The following AGBL4 variants were observed in gnomAD, a reference collection of about 807,000 sequenced individuals.
AGBL4 encodes the protein AGBL carboxypeptidase 4.
AGBL4 carries 58 observed loss-of-function variants against 66.4 expected under a neutral mutation model. The observed-to-expected ratio is 0.87, with a 90% confidence interval of 0.71 to 1.09. AGBL4 has a LOEUF of 1.09. Ranked by LOEUF, AGBL4 falls within the 50% of genes least tolerant of loss-of-function variation. AGBL4 has a pLI of 0.00. For missense variants in AGBL4, 579 were observed against 631.0 expected (o/e 0.92, Z 0.88); for synonymous variants, 234 against 222.9 (o/e 1.05, Z -0.44).
intron 3 of AGBL4, among the ~76,000 whole-genome samples, chr1:49,283,550 T>G (rs1437509974): frequency 2.6e-5 from 4 of 152,166 alleles, no homozygotes; most frequent in Non-Finnish European, 5.9e-5. Flanking sequence ...AGAGGAAGGC[T>G]TCAGACGATC....
At chr1:48,762,718 A>G (rs1283874234) in intron 6 of AGBL4, among the ~76,000 whole-genome samples, 2 of 151,648 alleles carry the variant, frequency 1.3e-5, no homozygotes, top group African/African-American at 4.8e-5. Context: ...CTTCTCTCCT[A>G]CAACTTGTTA....
chr1:49,264,226 G>A (rs1653510464), intron 3 of AGBL4, among the ~76,000 whole-genome samples: 2 of 151,990 alleles, frequency 1.3e-5, no homozygotes, highest in African/African-American at 4.8e-5. Flanking sequence ...TCTGAAAGAT[G>A]ACAAAATGTT....
At chr1:49,945,670 G>A (rs1321515475) in intron 1 of AGBL4, among the ~76,000 whole-genome samples, 1 of 151,304 alleles carries the variant, frequency 6.6e-6, no homozygotes, top group Non-Finnish European at 1.5e-5. Context: ...AAAAAGTAAA[G>A]AGGCAACAAA....
At chr1:49,043,342 G>A (rs1643993990) in intron 5 of AGBL4, among the ~76,000 whole-genome samples, 1 of 152,130 alleles carries the variant, frequency 6.6e-6, no homozygotes, top group African/African-American at 2.4e-5. Context: ...GTAAGTAAGA[G>A]AATGAGGTCT....
At chr1:49,939,090 C>T (rs986794494) in intron 1 of AGBL4, among the ~76,000 whole-genome samples, 3 of 152,068 alleles carry the variant, frequency 2.0e-5, no homozygotes, top group Non-Finnish European at 4.4e-5. Context: ...CATGAGTGAA[C>T]TCCCATTCAC....
chr1:49,973,267 C>T (rs986131425), intron 1 of AGBL4, among the ~76,000 whole-genome samples: 2 of 152,180 alleles, frequency 1.3e-5, no homozygotes, highest in Admixed American at 6.5e-5. Context: ...CCTAGTGTAA[C>T]AGGTCAGCTA....
chr1:48,718,911 C>T (rs1166933217), intron 6 of AGBL4, among the ~76,000 whole-genome samples: 3 of 152,154 alleles, frequency 2.0e-5, no homozygotes, highest in Non-Finnish European at 4.4e-5. Context: ...TAGTGAGCTC[C>T]GACTACATAC....
chr1:49,463,198 T>C (rs956693527), intron 3 of AGBL4, among the ~76,000 whole-genome samples: 1 of 151,712 alleles, frequency 6.6e-6, no homozygotes, highest in Non-Finnish European at 1.5e-5. Flanking sequence ...CACGGTTGTA[T>C]TAAGTTTCAG....
chr1:48,602,368 T>C (rs1187290495), intron 9 of AGBL4, among the ~76,000 whole-genome samples: 1 of 152,210 alleles, frequency 6.6e-6, no homozygotes, highest in African/African-American at 2.4e-5. Flanking sequence ...TCCTGAGTCT[T>C]ATATCCTTCC....
intron 2 of AGBL4, chr1:49,842,383 C>A: frequency 1.6e-6 from 1 of 625,172 alleles, no homozygotes; most frequent in Non-Finnish European, 2.4e-6. Flanking sequence ...AAGGCATGTA[C>A]CCAGGTGAGA....
intron 1 of AGBL4, among the ~76,000 whole-genome samples, chr1:49,875,555 A>G (rs1413264398): frequency 2.7e-5 from 4 of 147,364 alleles, no homozygotes; most frequent in African/African-American, 1.0e-4. Flanking sequence ...CCAGTCTATC[A>G]TTGTTGGACA....
Position 48,618,734 on chromosome 1 carries a change from C to T in AGBL4, c.951+15759G>A, listed in dbSNP as rs145537287. On this transcript the variant is annotated intron_variant, in intron 9 of 13. Coordinates refer to ENST00000371839, the MANE Select transcript of AGBL4 (RefSeq NM_032785.4). Reference sequence around the variant, plus strand: ...TCTTGCCTGTGTTAGTATTAGCCAGCCCCTCTTAAGATCCCAGATCCTAAT... The same window carrying T: ...TCTTGCCTGTGTTAGTATTAGCCAGTCCCTCTTAAGATCCCAGATCCTAAT... Among the ~76,000 whole-genome samples the T allele has an allele frequency of 5.6e-4, 85 of 152,306 alleles. 1 individual carries two copies. The highest frequency in any genetic ancestry group is 3.4e-3 in the Middle Eastern group (1 of 294).
intron 3 of AGBL4, among the ~76,000 whole-genome samples, chr1:49,547,408 T>G (rs1652578740): frequency 6.6e-6 from 1 of 152,222 alleles, no homozygotes; most frequent in African/African-American, 2.4e-5. Flanking sequence ...GACTATGGCC[T>G]TATAGCATAG....
At chr1:49,817,331 C>T (rs1382596360) in intron 2 of AGBL4, among the ~76,000 whole-genome samples, 1 of 152,118 alleles carries the variant, frequency 6.6e-6, no homozygotes, top group African/African-American at 2.4e-5. Flanking sequence ...CATGCAGACC[C>T]AGGCATATAC....
chr1:49,900,854 T>C (rs1649695833), intron 1 of AGBL4, among the ~76,000 whole-genome samples: 1 of 152,236 alleles, frequency 6.6e-6, no homozygotes, highest in African/African-American at 2.4e-5. Flanking sequence ...CACATGTAAA[T>C]GTTTAGGTAA....
chr1:49,639,457 T>C (rs1441068048), intron 3 of AGBL4, among the ~76,000 whole-genome samples: 1 of 152,202 alleles, frequency 6.6e-6, no homozygotes, highest in Non-Finnish European at 1.5e-5. Context: ...ATCAACAGTC[T>C]GGAGCATATT....
At chr1:49,714,593 T>TATATATACAC (rs1491300456) in intron 2 of AGBL4, among the ~76,000 whole-genome samples, 141 of 113,988 alleles carry the variant, frequency 1.2e-3, no homozygotes, top group African/African-American at 4.4e-3. Context: ...TATATATATA[T>TATATATACAC]ACACACACAC....
At chr1:49,381,904 A>G (rs1644622994) in intron 3 of AGBL4, among the ~76,000 whole-genome samples, 1 of 151,636 alleles carries the variant, frequency 6.6e-6, no homozygotes, top group Admixed American at 6.6e-5. Flanking sequence ...CTAAATGACG[A>G]GTTAATCGGT....
chr1:48,886,349 T>G (rs1275404401), intron 5 of AGBL4, among the ~76,000 whole-genome samples: 1 of 152,146 alleles, frequency 6.6e-6, no homozygotes, highest in Non-Finnish European at 1.5e-5. Context: ...TGAGACAATA[T>G]GCCATGGTGA....
Sources: allele counts gnomAD v4.1 joint callset (sites outside exome capture counted in the v4.1 genomes callset), GRCh38; gene constraint gnomAD v4.1.1; transcripts MANE v1.5; gene names NCBI Gene and HGNC (gene_info 2026-07-23, HGNC 2026-07-21).